Variants in ZBTB40 observed in about 807,000 individuals in gnomAD.
The protein encoded by ZBTB40 is zinc finger and BTB domain containing 40, also known as zinc finger and BTB domain-containing protein 40.
In ZBTB40, 60 loss-of-function variants were observed where a neutral mutation model predicts 117.5. The ratio of observed to expected loss-of-function variants is 0.51; its 90% CI spans 0.41 to 0.63. The LOEUF is 0.63. ZBTB40 is among the 30% of genes least tolerant of loss of function. The pLI is 0.00. For missense variants in ZBTB40, 1,287 were observed against 1,498.5 expected, an observed-to-expected ratio of 0.86 and a Z score of 2.33; for synonymous variants, 525 against 577.1, an observed-to-expected ratio of 0.91 and a Z score of 1.29.
chr1:22,429,657 T>C (rs921364109), intron 1 of ZBTB40, among the ~76,000 whole-genome samples: 2 of 152,160 alleles, frequency 1.3e-5, no homozygotes, highest in Non-Finnish European at 2.9e-5. Flanking sequence ...ACTGGGCTGG[T>C]TTCCATATTC....
At chr1:22,433,229 C>G (rs1011038380) in intron 1 of ZBTB40, among the ~76,000 whole-genome samples, 3 of 151,590 alleles carry the variant, frequency 2.0e-5, no homozygotes, top group African/African-American at 7.3e-5. Context: ...GTCAGGAGAT[C>G]GAGACCATTC....
Position 22,511,223 on chromosome 1 carries a change from G to A in ZBTB40, c.1878G>A (p.Leu626=). Reference sequence around the variant, plus strand: ...AGACAGCCAGCCCTGAAGCTTCCCTGAGAGCAGTGCTGAGCAGAGCCATGG... The same window carrying A: ...AGACAGCCAGCCCTGAAGCTTCCCTAAGAGCAGTGCTGAGCAGAGCCATGG... ...PSETASPEAS[L]RAVLSRAMEK... The change falls in exon 10 of 18, where the codon CTG becomes CTA. Residue 626 remains leucine (L), a synonymous_variant. Transcript: ENST00000375647. 1 of 1,613,838 alleles carries A rather than the reference G, an allele frequency of 6.2e-7. No individual in the cohort carries two copies. The highest frequency in any genetic ancestry group is 8.5e-7 in the Non-Finnish European group (1 of 1,180,024).
At chr1:22,464,026 G>A (rs1482674129) in intron 1 of ZBTB40, among the ~76,000 whole-genome samples, 1 of 152,220 alleles carries the variant, frequency 6.6e-6, no homozygotes, top group African/African-American at 2.4e-5. Flanking sequence ...GATGATAGTG[G>A]TGGGGCAGTG....
chr1:22,471,235 T>A (rs1036609950), intron 1 of ZBTB40, among the ~76,000 whole-genome samples: 3 of 152,164 alleles, frequency 2.0e-5, no homozygotes, highest in African/African-American at 7.2e-5. Flanking sequence ...AGATAACATA[T>A]CACCATCCAT....
rs562984834 is a variant in ZBTB40 at position 22,490,293 on chromosome 1, C to A, written c.345C>A (p.Ser115Arg). Residue 115 changes from serine (S) to arginine (R), a missense_variant, in exon 2 of 18, where the codon AGC (serine) becomes AGA (arginine). Ser to Arg is a moderately radical substitution (Grantham distance 110). Around this residue, in one of 2 missense-constraint regions of ZBTB40, gnomAD observed 870 missense variants for 934.4 expected, o/e 0.93. Coordinates refer to ENST00000375647, the MANE Select transcript of ZBTB40 (RefSeq NM_014870.4). ...VAVSCKNLLT[S>R]LVNCSVQGQV... ...TTAGCTGCAAAAATCTTCTGACCAGCCTTGTAAACTGCTCGGTTCAGGGTC... is the reference window on the plus strand; with the variant it reads ...TTAGCTGCAAAAATCTTCTGACCAGACTTGTAAACTGCTCGGTTCAGGGTC... 8 of 1,614,180 alleles carry A rather than the reference C, an allele frequency of 5.0e-6. No individual in the cohort carries two copies. Among genetic ancestry groups the A allele is most frequent in the Middle Eastern group, 1.6e-4 (1 of 6,062 alleles).
At chr1:22,482,692 A>G (rs917537192) in intron 1 of ZBTB40, among the ~76,000 whole-genome samples, 1 of 152,078 alleles carries the variant, frequency 6.6e-6, no homozygotes, top group Non-Finnish European at 1.5e-5. Context: ...CTTTTTTACT[A>G]TCTATATATT....
intron 1 of ZBTB40, among the ~76,000 whole-genome samples, chr1:22,489,211 G>C (rs1638555559): frequency 6.6e-6 from 1 of 152,126 alleles, no homozygotes; most frequent in South Asian, 2.1e-4. Context: ...TCAGCATTTA[G>C]ATGATATTTC....
chr1:22,458,747 A>G (rs1641062295), intron 1 of ZBTB40, among the ~76,000 whole-genome samples: 1 of 152,114 alleles, frequency 6.6e-6, no homozygotes, highest in African/African-American at 2.4e-5. Flanking sequence ...TGGATTAGGA[A>G]ACTGGCCAAT....
At position 22,468,579 on chromosome 1, in the gene ZBTB40, GAT is replaced by G. The variant is rs1641319977; in HGVS notation, c.-70+16576_-70+16577del. Among the ~76,000 whole-genome samples the G allele has an allele frequency of 1.2e-4, 14 of 118,582 alleles. No individual in the cohort carries two copies. In the South Asian group the frequency reaches 4.1e-3, roughly 35 times the overall value. 77.8% of individuals were successfully genotyped at this position (118,582 alleles called of 152,430 possible). A position where few individuals can be genotyped will look rare whatever the true frequency, so the allele number is the denominator to read the frequency against. Reference sequence around the variant, plus strand: ...CAGCTTGAAACTCCTGGGCTCAAGTGATCCTCCTCCCTCAGCCTTCCAACTAG... The same window carrying G: ...CAGCTTGAAACTCCTGGGCTCAAGTGCCTCCTCCCTCAGCCTTCCAACTAG... On this transcript the variant is annotated intron_variant, in intron 1 of 17. Transcript: ENST00000375647.
intron 1 of ZBTB40, among the ~76,000 whole-genome samples, chr1:22,468,482 T>C (rs1051672213): frequency 2.3e-5 from 3 of 127,818 alleles, no homozygotes; most frequent in African/African-American, 9.1e-5. Flanking sequence ...TTTTTTTTTT[T>C]TTTTTTTTTT....
intron 14 of ZBTB40, among the ~76,000 whole-genome samples, chr1:22,521,263 G>A (rs1639516937): frequency 6.6e-6 from 1 of 152,198 alleles, no homozygotes; most frequent in African/African-American, 2.4e-5. Flanking sequence ...ATGGGCATGT[G>A]AAGGACTCCT....
At chr1:22,516,670 C>A (rs903176102) in intron 12 of ZBTB40, among the ~76,000 whole-genome samples, 5 of 152,166 alleles carry the variant, frequency 3.3e-5, no homozygotes, top group African/African-American at 1.2e-4. Flanking sequence ...ACCAATTGCC[C>A]TGCTTGCTCT....
chr1:22,442,107 T>C (rs1002029573), intron 1 of ZBTB40, among the ~76,000 whole-genome samples: 2 of 152,228 alleles, frequency 1.3e-5, no homozygotes, highest in Non-Finnish European at 2.9e-5. Flanking sequence ...GACTTCTAAC[T>C]TCATTCCATT....
chr1:22,524,336 C>T lies in ZBTB40; in HGVS notation c.3417C>T (p.Leu1139=). The change falls in exon 17 of 18, where the codon CTC becomes CTT. Residue 1139 remains leucine, a synonymous_variant. Coordinates refer to ENST00000375647, the MANE Select transcript of ZBTB40 (RefSeq NM_014870.4). ...CAGAGACCACCTTCCCCTGTGAGCT[C>T]TGTGGGGAACTCTTCACCTCCCAGG... ...KQSETTFPCE[L]CGELFTSQAQ... is the part of the protein sequence containing the mutation. 1 of 1,614,202 alleles carries T rather than the reference C, an allele frequency of 6.2e-7. No homozygotes were observed. Among genetic ancestry groups the T allele is most frequent in the Admixed American group, 1.7e-5 (1 of 60,018 alleles).
rs184979467 is a variant in ZBTB40 at position 22,477,359 on chromosome 1, C to T, written c.-69-12521C>T. Among the ~76,000 whole-genome samples, 162 of 152,220 alleles carry T rather than the reference C, an allele frequency of 1.1e-3. 1 individual carries two copies. The highest frequency in any genetic ancestry group is 3.5e-3 in the African/African-American group (146 of 41,528). ...AGGCACTGTTTTAAGTGTGAATACACCCACACACTAATAAGCAACATAGAG... is the reference window on the plus strand; with the variant it reads ...AGGCACTGTTTTAAGTGTGAATACATCCACACACTAATAAGCAACATAGAG... On this transcript the variant is annotated intron_variant, in intron 1 of 17. Coordinates refer to ENST00000375647, the MANE Select transcript of ZBTB40 (RefSeq NM_014870.4).
Position 22,483,078 on chromosome 1 carries a change from C to CAA in ZBTB40, c.-69-6788_-69-6787dup, listed in dbSNP as rs35793167. Among the ~76,000 whole-genome samples, 455 of 129,108 alleles carry CAA rather than the reference C, an allele frequency of 3.5e-3. 3 individuals are homozygous for CAA. Among genetic ancestry groups the CAA allele is most frequent in the African/African-American group, 0.01 (372 of 36,520 alleles). The allele number at this position is 129,108 out of a possible 152,430, so 84.7% of individuals were successfully genotyped here. A position where few individuals can be genotyped will look rare whatever the true frequency, so the allele number is the denominator to read the frequency against. ...CGGGCGACAGAGCAGGACTCCGTCT[C>CAA]AAAAAAAAAAAAAAAGAAATATGCA... On this transcript the variant is annotated intron_variant, in intron 1 of 17. Transcript: ENST00000375647.
chr1:22,494,752 G>A (rs1478926269), intron 3 of ZBTB40, among the ~76,000 whole-genome samples: 3 of 152,158 alleles, frequency 2.0e-5, no homozygotes, highest in African/African-American at 4.8e-5. Context: ...AGACTGAGCC[G>A]CTTGCTAGGC....
intron 1 of ZBTB40, among the ~76,000 whole-genome samples, chr1:22,468,356 G>A (rs1044001545): frequency 6.7e-6 from 1 of 149,646 alleles, no homozygotes; most frequent in African/African-American, 2.5e-5. Flanking sequence ...GTTTTGATTT[G>A]CGTTTCTTTA....
intron 1 of ZBTB40, among the ~76,000 whole-genome samples, chr1:22,483,633 TG>T (rs1465183507): frequency 6.6e-6 from 1 of 152,242 alleles, no homozygotes; most frequent in Non-Finnish European, 1.5e-5. Context: ...TTAATTGGGT[TG>T]TTTTCTTATT....
Sources: gnomAD v4.1 joint callset for allele counts (sites outside exome capture counted in the v4.1 genomes callset) on GRCh38, gnomAD v4.1.1 for gene constraint, gnomAD v4.1.1 regional missense constraint, MANE v1.5 for transcripts, NCBI Gene and HGNC (gene_info 2026-07-23, HGNC 2026-07-21) for gene names.